The following RASAL1 variants were observed in gnomAD, a reference collection of about 807,000 sequenced individuals.
RASAL1 encodes RAS protein activator like 1.
A neutral mutation model predicts 96.6 loss-of-function variants in RASAL1; 72 were observed. The observed-to-expected ratio is 0.75, with a 90% CI of 0.62 to 0.91. The LOEUF (loss-of-function observed/expected upper bound fraction) is 0.91, where lower values mean the gene tolerates loss of function less well. Ranked by LOEUF, RASAL1 falls within the 40% of genes least tolerant of loss-of-function variation. The pLI is 0.00. For missense variants in RASAL1, 1,016 were observed against 1,072.5 expected (o/e 0.95, Z 0.74); for synonymous variants, 405 against 430.4 (o/e 0.94, Z 0.73).
At chr12:113,104,330 C>T in intron 16 of RASAL1, 32 bp from the exon 17 acceptor site, 3 of 1,535,238 alleles carry the variant, frequency 2.0e-6, no homozygotes, top group Non-Finnish European at 2.6e-6. Flanking sequence ...GCAGGATGGG[C>T]TGGGGGCTAG....
In RASAL1 at chr12:113,121,384, C is replaced by A. The variant is rs1376840922; in HGVS notation, c.428+125G>T. On this transcript the variant is annotated intron_variant, in intron 5 of 20. Transcript: ENST00000548055. ...TTGGACTGTTTGTCCACACAGGGAA[C>A]CTGACTGCCAGCCCAGAAGTGCCCC... 84 of 1,471,762 alleles carry A rather than the reference C, an allele frequency of 5.7e-5. No individual in the cohort carries two copies. The East Asian group carries it at 1.6e-3, about 29-fold the overall frequency. The allele number at this position is 1,471,762 out of a possible 1,614,324, so 91.2% of individuals were successfully genotyped here. A position where few individuals can be genotyped will look rare whatever the true frequency, so the allele number is the denominator to read the frequency against.
At chr12:113,133,976 C>T (rs1951814723) in intron 1 of RASAL1, among the ~76,000 whole-genome samples, 1 of 152,232 alleles carries the variant, frequency 6.6e-6, no homozygotes, top group African/African-American at 2.4e-5. Flanking sequence ...CATGACCTCT[C>T]ACCCAGGGCT....
rs1401246615 is a variant in RASAL1 at position 113,108,123 on chromosome 12, C to T, written c.1474G>A (p.Asp492Asn). ...AGCAGTGAGCGGCTAGTCTGGGGGT[C>T]CGCGTGTTGGTCCCGAAGGTCAAAC... ...KLFDLRDQHA[D>N]PQTSRSLLLL... The change falls in exon 14 of 21, where the codon GAC becomes AAC. Residue 492 changes from aspartate to asparagine, a missense_variant. Asp to Asn is a conservative substitution (Grantham distance 23, BLOSUM62 1). Coordinates refer to ENST00000548055, the MANE Select transcript of RASAL1 (RefSeq NM_001301202.2). 1 of 1,613,762 alleles carries T rather than the reference C, an allele frequency of 6.2e-7. No homozygotes were observed. Among genetic ancestry groups the T allele is most frequent in the East Asian group, 2.2e-5 (1 of 44,848 alleles).
chr12:113,112,798 A>G (rs1950918441), intron 12 of RASAL1, among the ~76,000 whole-genome samples: 1 of 152,110 alleles, frequency 6.6e-6, no homozygotes, highest in Non-Finnish European at 1.5e-5. Flanking sequence ...CAAAAAATAC[A>G]AAAATTAGCC....
intron 20 of RASAL1, 99 bp from the exon 21 acceptor site, chr12:113,100,167 C>T (rs1592868656): frequency 7.5e-7 from 1 of 1,325,444 alleles, no homozygotes; most frequent in Non-Finnish European, 1.0e-6. Context: ...GTGCCTTGTG[C>T]CCTGAGAACC....
At chr12:113,116,875 C>T (rs1287682949) in intron 8 of RASAL1, among the ~76,000 whole-genome samples, 198 bp downstream of exon 8, 2 of 152,246 alleles carry the variant, frequency 1.3e-5, no homozygotes, top group Non-Finnish European at 2.9e-5. Context: ...TGCACATGAA[C>T]AGGTGAACGG....
intron 1 of RASAL1, among the ~76,000 whole-genome samples, chr12:113,134,591 C>T (rs188230394): frequency 1.3e-3 from 205 of 152,354 alleles, no homozygotes; most frequent in African/African-American, 4.4e-3. Flanking sequence ...GAGGATCCCA[C>T]ACCTGTCGCA....
chr12:113,117,974 A>G (rs1951151377), intron 7 of RASAL1, among the ~76,000 whole-genome samples: 1 of 152,238 alleles, frequency 6.6e-6, no homozygotes, highest in Non-Finnish European at 1.5e-5. Flanking sequence ...CTGTAATCCC[A>G]GCACTTTGGG....
intron 8 of RASAL1, 122 bp from the exon 9 acceptor site, chr12:113,116,173 C>A: frequency 2.9e-6 from 2 of 683,012 alleles, no homozygotes; most frequent in South Asian, 2.3e-5. Flanking sequence ...AGTTTGTGAC[C>A]AGCCTGACCA....
chr12:113,118,517 T>C (rs1268664607), intron 7 of RASAL1, among the ~76,000 whole-genome samples: 1 of 152,210 alleles, frequency 6.6e-6, no homozygotes, highest in African/African-American at 2.4e-5. Context: ...TTGGGGTATG[T>C]ACCTAAGAGT....
intron 14 of RASAL1, chr12:113,107,625 GA>G (rs1566041548): frequency 4.8e-6 from 2 of 412,854 alleles, no homozygotes; most frequent in East Asian, 6.7e-5. Context: ...TTGTCTCAAG[GA>G]AAAAAATAAA....
chr12:113,115,945 C>T lies in RASAL1; in HGVS notation c.838G>A (p.Gly280Arg). Residue 280 changes from glycine to arginine, a missense_variant, in exon 9 of 21, where the codon GGG becomes AGG. By Grantham distance (125) the Gly-to-Arg change is moderately radical. Coordinates refer to ENST00000548055, the MANE Select transcript of RASAL1 (RefSeq NM_001301202.2). The surrounding 1 kb of genome is among the most constrained non-coding windows in gnomAD (Gnocchi z 4.1). ...LMELLMESVQ[G>R]PAEEDTASPL... ...CCTGACGCACCCACCTCTGCTGGCC[C>T]CTGCACAGACTCCATGAGCAGCTCC... 1 of 1,602,648 alleles carries T rather than the reference C, an allele frequency of 6.2e-7. No individual in the cohort carries two copies. The highest frequency in any genetic ancestry group is 8.5e-7 in the Non-Finnish European group (1 of 1,173,876).
Position 113,127,792 on chromosome 12 carries a change from T to G in RASAL1, c.298+20A>C, listed in dbSNP as rs1479388901. The G allele has an allele frequency of 6.2e-7, 1 of 1,600,740 alleles. No individual in the cohort carries two copies. Among genetic ancestry groups the G allele is most frequent in the Non-Finnish European group, 8.5e-7 (1 of 1,169,714 alleles). On this transcript the variant is annotated intron_variant, in intron 4 of 20. Transcript: ENST00000548055. ...CCTGGGCATGGCCCCCTCCTCCCTC[T>G]GCCCATGTCCCTCGCCCACCTCGGG...
intron 11 of RASAL1, 46 bp from the exon 12 acceptor site, chr12:113,114,958 G>C: frequency 1.4e-6 from 2 of 1,463,234 alleles, no homozygotes; most frequent in African/African-American, 1.4e-5. Flanking sequence ...GGGCGAGGCC[G>C]GGGCATGCCC....
chr12:113,117,495 T>A (rs1284881), intron 7 of RASAL1, among the ~76,000 whole-genome samples: 137,671 of 152,228 alleles, frequency 0.9, 62,394 homozygotes, highest in Admixed American at 0.94. Flanking sequence ...CATAAATTTC[T>A]TCTATCAAAA....
intron 1 of RASAL1, among the ~76,000 whole-genome samples, chr12:113,133,379 C>T (rs569471912): frequency 1.1e-4 from 17 of 152,292 alleles, no homozygotes; most frequent in Admixed American, 3.3e-4. Context: ...GAGTTCAAAT[C>T]GCAGCTGGGT....
In RASAL1 at chr12:113,115,895, G is replaced by C; in HGVS notation, c.849+39C>G. 2 of 1,582,524 alleles carry C rather than the reference G, an allele frequency of 1.3e-6. No homozygotes were observed. The highest frequency in any genetic ancestry group is 3.4e-4 in the Middle Eastern group (2 of 5,914). On this transcript the variant is annotated intron_variant, in intron 9 of 20. Transcript: ENST00000548055. The surrounding 1 kb of genome is among the most constrained non-coding windows in gnomAD (Gnocchi z 4.1). ...GGGGGAGGCCAGGATCCAGACCCCC[G>C]GCACCCGCCTGATAGCATTGCTTGC... is the stretch of plus-strand genomic sequence containing the variant.
intron 7 of RASAL1, among the ~76,000 whole-genome samples, chr12:113,117,990 G>A (rs1951152219): frequency 6.6e-6 from 1 of 152,188 alleles, no homozygotes; most frequent in Non-Finnish European, 1.5e-5. Context: ...TTGGGAGGAT[G>A]AGGCGGGCAG....
At chr12:113,135,885 C>G (rs1951898684), upstream of RASAL1, 1 of 178,148 alleles carries the variant, frequency 5.6e-6, no homozygotes, top group Admixed American at 5.7e-5. The surrounding 1 kb of genome is among the most constrained non-coding windows in gnomAD (Gnocchi z 5.7). Flanking sequence ...CGCGCCAGAG[C>G]GCACGGGCGG....
Sources: allele counts gnomAD v4.1 joint callset (sites outside exome capture counted in the v4.1 genomes callset), GRCh38; gene constraint gnomAD v4.1.1; non-coding constraint Gnocchi (gnomAD v3.1); transcripts MANE v1.5; gene names NCBI Gene and HGNC (gene_info 2026-07-23, HGNC 2026-07-21).